PEPD: variants seen among roughly 807,000 people sequenced by gnomAD.
The protein encoded by PEPD is xaa-Pro dipeptidase.
In PEPD, 53 loss-of-function variants were observed where a neutral mutation model predicts 60.7. The ratio of observed to expected loss-of-function variants is 0.87; its 90% confidence interval spans 0.70 to 1.10. PEPD has a LOEUF of 1.10. PEPD is among the 50% of genes least tolerant of loss of function. The pLI is 0.00. For synonymous variants in PEPD, 267 were observed against 284.1 expected (o/e 0.94, Z 0.60); for missense variants, 711 against 711.9 (o/e 1.00, Z 0.01).
chr19:33,445,581 C>G lies in PEPD; in HGVS notation c.671+17414G>C, dbSNP rs546844265. On this transcript the variant is annotated intron_variant, in intron 9 of 14. Transcript: ENST00000244137. The stretch of plus-strand genomic sequence containing the variant: ...GGCGGCAAGCCCAGGAGAGAGGCCT[C>G]AGAGAGTAGCAGCCCTGCCGATGCC... Among the ~76,000 whole-genome samples the G allele has an allele frequency of 1.2e-4, 19 of 152,338 alleles. No homozygotes were observed. In the South Asian group the frequency reaches 3.1e-3, roughly 25 times the overall value.
intron 4 of PEPD, among the ~76,000 whole-genome samples, chr19:33,497,935 G>A (rs1041366938): frequency 4.6e-5 from 7 of 152,114 alleles, no homozygotes; most frequent in East Asian, 1.9e-4. Flanking sequence ...GGCCCCTGGC[G>A]TCACATCCCA....
At position 33,451,042 on chromosome 19, in the gene PEPD, A is replaced by C. The variant is rs566533317; in HGVS notation, c.671+11953T>G. On this transcript the variant is annotated intron_variant, in intron 9 of 14. Coordinates refer to ENST00000244137, the MANE Select transcript of PEPD (RefSeq NM_000285.4). ...TGCATGTAATTAAAAGTGGGTATAA[A>C]TATGACTGCAAAACCGCCCTGAGCT... Among the ~76,000 whole-genome samples the C allele has an allele frequency of 1.3e-4, 20 of 152,326 alleles. No individual in the cohort carries two copies. In the South Asian group the frequency reaches 1.7e-3, roughly 13 times the overall value.
At chr19:33,441,576 G>A (rs1411641031) in intron 9 of PEPD, among the ~76,000 whole-genome samples, 1 of 152,230 alleles carries the variant, frequency 6.6e-6, no homozygotes, top group Non-Finnish European at 1.5e-5. Flanking sequence ...AGGGTAGGAG[G>A]CAGCCCTGTT....
intron 9 of PEPD, among the ~76,000 whole-genome samples, chr19:33,422,964 C>T (rs1171195103): frequency 3.3e-5 from 5 of 152,100 alleles, no homozygotes; most frequent in Non-Finnish European, 7.3e-5. Context: ...TCATCCAATA[C>T]TCTGTCAATT....
At chr19:33,451,367 A>C (rs1323010941) in intron 9 of PEPD, among the ~76,000 whole-genome samples, 1 of 152,248 alleles carries the variant, frequency 6.6e-6, no homozygotes, top group Non-Finnish European at 1.5e-5. Flanking sequence ...AAATTAGAAA[A>C]TTAAAATTGT....
chr19:33,480,211 AT>A (rs1463303607), intron 6 of PEPD, among the ~76,000 whole-genome samples: 3 of 152,244 alleles, frequency 2.0e-5, no homozygotes, highest in African/African-American at 4.8e-5. Flanking sequence ...GAGAAACGAT[AT>A]GCTACACAAA....
rs907463576 is a variant in PEPD, at chr19:33,407,647, C to A, written c.818+4025G>T. ...CTTTTGTAACCCTGTTCTTGAAGGT[C>A]TGCCTGAGGGGTTTAAAAAGGAAAA... is the stretch of plus-strand genomic sequence containing the variant. On this transcript the variant is annotated intron_variant, in intron 11 of 14. Coordinates refer to ENST00000244137, the MANE Select transcript of PEPD (RefSeq NM_000285.4). 2.0e-5 allele frequency among the ~76,000 whole-genome samples: 3 copies of A among 152,344 alleles called. No individual in the cohort carries two copies. In the Middle Eastern group the frequency reaches 0.01, roughly 518 times the overall value.
At chr19:33,411,943 A>G (rs1012965075) in intron 10 of PEPD, among the ~76,000 whole-genome samples, 194 bp from the exon 11 acceptor site, 2 of 152,204 alleles carry the variant, frequency 1.3e-5, no homozygotes, top group Admixed American at 6.5e-5. Flanking sequence ...CCGCAGTCAC[A>G]TGGCTGGCAA....
At chr19:33,428,251 C>G (rs921590769) in intron 9 of PEPD, among the ~76,000 whole-genome samples, 3 of 152,182 alleles carry the variant, frequency 2.0e-5, no homozygotes, top group Admixed American at 2.0e-4. Context: ...CCGTGGATGC[C>G]GGGTTTCCTG....
At chr19:33,493,503 CT>C in intron 4 of PEPD, 166 bp from the exon 5 acceptor site, 1 of 699,712 alleles carries the variant, frequency 1.4e-6, no homozygotes, top group Non-Finnish European at 2.6e-6. Context: ...CCAGCTTCCC[CT>C]GGTTGAAGGA....
At chr19:33,475,250 G>T (rs1970194138) in intron 7 of PEPD, among the ~76,000 whole-genome samples, 1 of 151,906 alleles carries the variant, frequency 6.6e-6, no homozygotes, top group Non-Finnish European at 1.5e-5. Context: ...ACAGAGAGAG[G>T]GTGGTGAAGG....
rs146342462 is a variant in PEPD at position 33,418,863 on chromosome 19, G to C, written c.672-5220C>G. On this transcript the variant is annotated intron_variant, in intron 9 of 14. Coordinates refer to ENST00000244137, the MANE Select transcript of PEPD (RefSeq NM_000285.4). ...CATTCACGTGATGTGTCACCAAGAA[G>C]GGACTGACCTGAAGCCTCGGACTAA... 3.5e-4 allele frequency among the ~76,000 whole-genome samples: 53 copies of C among 152,340 alleles called. 1 individual carries two copies. In the South Asian group the frequency reaches 0.011, roughly 32 times the overall value.
intron 3 of PEPD, among the ~76,000 whole-genome samples, chr19:33,503,664 G>A (rs1366901882): frequency 1.3e-5 from 2 of 152,152 alleles, no homozygotes; most frequent in African/African-American, 2.4e-5. Context: ...GGCCATCAGC[G>A]AAATGCGTGG....
chr19:33,492,255 T>C (rs1231987744), intron 5 of PEPD, among the ~76,000 whole-genome samples: 1 of 152,018 alleles, frequency 6.6e-6, no homozygotes. Flanking sequence ...CCCCCCACCC[T>C]AGCCCAGGCC....
At chr19:33,444,658 A>C (rs1969557898) in intron 9 of PEPD, among the ~76,000 whole-genome samples, 1 of 142,178 alleles carries the variant, frequency 7.0e-6, no homozygotes, top group Non-Finnish European at 1.5e-5. Context: ...TAGCCTCCTC[A>C]CTGTCCTCCC....
chr19:33,435,914 G>C (rs901879136), intron 9 of PEPD, among the ~76,000 whole-genome samples: 2 of 152,138 alleles, frequency 1.3e-5, no homozygotes, highest in South Asian at 2.1e-4. Context: ...GGTGGAAGGT[G>C]GGGGCATGGG....
rs543374825 is a variant in PEPD at position 33,391,444 on chromosome 19, G to A, written c.1003C>T (p.Arg335Cys). 1.6e-5 allele frequency: 25 copies of A among 1,557,166 alleles called. No individual in the cohort carries two copies. The East Asian group carries it at 2.2e-4, about 14-fold the overall frequency. The stretch of plus-strand genomic sequence containing the variant: ...TGGGCCAGCTCCTCCAGGTGGATGC[G>A]GTCAGCCAGGCGGTGCATGTCAGGC... ...WWPDMHRLAD[R>C]IHLEELAHMG... The change falls in exon 13 of 15, where the codon CGC (arginine) becomes TGC (cysteine). Residue 335 changes from arginine to cysteine, a missense_variant. Arg to Cys is a radical substitution (Grantham distance 180). Coordinates refer to ENST00000244137, the MANE Select transcript of PEPD (RefSeq NM_000285.4).
chr19:33,452,256 T>C (rs1466623190), intron 9 of PEPD, among the ~76,000 whole-genome samples: 1 of 152,198 alleles, frequency 6.6e-6, no homozygotes, highest in East Asian at 1.9e-4. Context: ...ACTAGGTTAG[T>C]TCTTAGGTTC....
chr19:33,397,281 C>T (rs1344818350), intron 12 of PEPD, among the ~76,000 whole-genome samples: 1 of 152,186 alleles, frequency 6.6e-6, no homozygotes, highest in Non-Finnish European at 1.5e-5. Flanking sequence ...TTCTTTCCTG[C>T]CTCTCCTTTG....
Sources: gnomAD v4.1 joint callset for allele counts (sites outside exome capture counted in the v4.1 genomes callset) on GRCh38, gnomAD v4.1.1 for gene constraint, MANE v1.5 for transcripts, NCBI Gene and HGNC (gene_info 2026-07-23, HGNC 2026-07-21) for gene names.